Variants in FUT8 observed in about 807,000 individuals in gnomAD.
The protein encoded by FUT8 is fucosyltransferase 8, also known as alpha-(1,6)-fucosyltransferase.
Under a neutral mutation model 71.3 loss-of-function variants are expected in FUT8, and 29 were observed. The ratio of observed to expected loss-of-function variants is 0.41; its 90% CI spans 0.30 to 0.55. The LOEUF (loss-of-function observed/expected upper bound fraction) is 0.55. FUT8 is among the 20% of genes least tolerant of loss of function. The pLI is 0.34. For missense variants in FUT8, 544 were observed against 702.1 expected, an observed-to-expected ratio of 0.77 and a Z score of 2.55; for synonymous variants, 254 against 239.3, an observed-to-expected ratio of 1.06 and a Z score of -0.57.
At chr14:65,554,126 A>G (rs1158218117) in intron 2 of FUT8, among the ~76,000 whole-genome samples, 12 of 151,792 alleles carry the variant, frequency 7.9e-5, no homozygotes, top group Non-Finnish European at 1.5e-4. Context: ...TTTGCGTTTC[A>G]TTTTGAATAA....
intron 2 of FUT8, among the ~76,000 whole-genome samples, chr14:65,560,703 G>T (rs192455614): frequency 1.6e-4 from 25 of 152,280 alleles, no homozygotes; most frequent in African/African-American, 4.3e-4. Context: ...ATAAATTTGA[G>T]GAAGCAGTAG....
At chr14:65,430,194 TTG>T (rs1491014239) in intron 1 of FUT8, 8 of 151,170 alleles carry the variant, frequency 5.3e-5, no homozygotes, top group Non-Finnish European at 1.0e-4. Flanking sequence ...TAATTTTTTT[TTG>T]TTTTTGATAT....
chr14:65,540,637 C>G (rs1373140793), intron 2 of FUT8, among the ~76,000 whole-genome samples: 1 of 152,176 alleles, frequency 6.6e-6, no homozygotes, highest in Non-Finnish European at 1.5e-5. Context: ...ATTGCTTAAG[C>G]TATTGCTATG....
intron 3 of FUT8, among the ~76,000 whole-genome samples, chr14:65,609,339 T>G (rs1888756982): frequency 6.6e-6 from 1 of 151,778 alleles, no homozygotes; most frequent in Non-Finnish European, 1.5e-5. Context: ...GGTTATCTTT[T>G]CATTCTCTTA....
At chr14:65,651,195 G>C (rs1891391406) in intron 6 of FUT8, among the ~76,000 whole-genome samples, 1 of 152,180 alleles carries the variant, frequency 6.6e-6, no homozygotes, top group Admixed American at 6.5e-5. Flanking sequence ...TAGAGAAAGA[G>C]ACTTAAAAAA....
rs1308340790 is a variant in FUT8 at position 65,472,543 on chromosome 14, A to C, written c.-228+16825A>C. Among the ~76,000 whole-genome samples, 1 of 151,550 alleles carries C rather than the reference A, an allele frequency of 6.6e-6. No individual in the cohort carries two copies. The highest frequency in any genetic ancestry group is 2.4e-5 in the African/African-American group (1 of 41,236). ...TTTCTATGTTGATGGCCAAAGGTTT[A>C]TTTTTATATTCTTATACTGTAAAAA... is the stretch of plus-strand genomic sequence containing the variant. On this transcript the variant is annotated intron_variant, in intron 2 of 10. Coordinates refer to ENST00000673929, the MANE Select transcript of FUT8 (RefSeq NM_001371533.1). This position sits in a 1 kb window ranked among gnomAD's most constrained non-coding sequence, Gnocchi z 4.4.
intron 6 of FUT8, among the ~76,000 whole-genome samples, chr14:65,667,070 TG>T (rs1892251718): frequency 6.6e-6 from 1 of 151,940 alleles, no homozygotes; most frequent in Non-Finnish European, 1.5e-5. Flanking sequence ...TCATACTGAG[TG>T]GACAAAAGCT....
At position 65,742,219 on chromosome 14, in the gene FUT8, C is replaced by A. The variant is rs1367460219; in HGVS notation, c.1537C>A (p.His513Asn). Residue 513 changes from histidine (H) to asparagine (N), a missense_variant, in exon 11 of 11, where the codon CAC becomes AAC. Coordinates refer to ENST00000673929, the MANE Select transcript of FUT8 (RefSeq NM_001371533.1). Reference sequence around the variant, plus strand: ...CCACAATCAAATTGCCATTTATGCTCACCAACCCCGAACTGCAGATGAAAT... The same window carrying A: ...CCACAATCAAATTGCCATTTATGCTAACCAACCCCGAACTGCAGATGAAAT... ...NAHNQIAIYA[H>N]QPRTADEIPM... The A allele has an allele frequency of 1.2e-6, 2 of 1,613,052 alleles. No individual in the cohort carries two copies. Among genetic ancestry groups the A allele is most frequent in the African/African-American group, 2.7e-5 (2 of 74,824 alleles).
intron 7 of FUT8, among the ~76,000 whole-genome samples, chr14:65,708,936 G>A (rs1432552128): frequency 6.6e-6 from 1 of 152,090 alleles, no homozygotes; most frequent in Non-Finnish European, 1.5e-5. Flanking sequence ...GTGGTCTGTG[G>A]TACTGCATGG....
chr14:65,725,605 C>G (rs1895641628), intron 9 of FUT8, among the ~76,000 whole-genome samples: 1 of 152,224 alleles, frequency 6.6e-6, no homozygotes, highest in South Asian at 2.1e-4. Context: ...GTTCCCCACT[C>G]TGTACAGTTC....
chr14:65,565,004 T>C lies in FUT8; in HGVS notation c.203+3238T>C, dbSNP rs373226509. Among the ~76,000 whole-genome samples the C allele has an allele frequency of 9.9e-5, 15 of 152,136 alleles. 3 individuals carry two copies. Among genetic ancestry groups the C allele is most frequent in the African/African-American group, 3.6e-4 (15 of 41,542 alleles). On this transcript the variant is annotated intron_variant, in intron 3 of 10. Coordinates refer to ENST00000673929, the MANE Select transcript of FUT8 (RefSeq NM_001371533.1). ...ATAGAGAAAGAAGTTATTTGGCTCA[T>C]GATTCTGGTGGCCAGAAAGTCCAAG...
At chr14:65,683,792 G>T (rs912824216) in intron 7 of FUT8, among the ~76,000 whole-genome samples, 2 of 152,018 alleles carry the variant, frequency 1.3e-5, no homozygotes, top group Non-Finnish European at 2.9e-5. Context: ...AGCATCCATT[G>T]TATGAATAAT....
intron 7 of FUT8, among the ~76,000 whole-genome samples, chr14:65,683,785 A>G (rs1893149757): frequency 6.6e-6 from 1 of 152,280 alleles, no homozygotes; most frequent in South Asian, 2.1e-4. Context: ...GTAGAATAGC[A>G]TCCATTGTAT....
chr14:65,735,203 A>T (rs545312288), intron 10 of FUT8, among the ~76,000 whole-genome samples: 2 of 128,660 alleles, frequency 1.6e-5, no homozygotes, highest in African/African-American at 5.7e-5. Flanking sequence ...ATAGAAAGAA[A>T]ATTTTTTGCT....
intron 6 of FUT8, among the ~76,000 whole-genome samples, chr14:65,655,411 A>G (rs1891626464): frequency 2.7e-5 from 4 of 150,866 alleles, no homozygotes; most frequent in Admixed American, 2.6e-4. Context: ...GGGAGGCGGA[A>G]CTTGCAGTGA....
chr14:65,624,482 T>G (rs571532969), intron 5 of FUT8, among the ~76,000 whole-genome samples: 2 of 152,332 alleles, frequency 1.3e-5, no homozygotes, highest in South Asian at 2.1e-4. Context: ...AATGTCTTGA[T>G]TCCTATGACA....
chr14:65,632,628 A>G (rs1287712692), intron 6 of FUT8, among the ~76,000 whole-genome samples: 7 of 151,984 alleles, frequency 4.6e-5, no homozygotes, highest in African/African-American at 1.5e-4. Flanking sequence ...CCTTTGTCAG[A>G]TGCAGACTTT....
intron 6 of FUT8, among the ~76,000 whole-genome samples, chr14:65,657,733 TAGAAAGAAAGAATA>T (rs1052108979): frequency 7.2e-5 from 11 of 151,864 alleles, no homozygotes; most frequent in Admixed American, 2.6e-4. Flanking sequence ...AAAAAATAGT[TAGAAAGAAAGAATA>T]AGAAAGAAAG....
At chr14:65,514,498 C>G (rs748001451) in intron 2 of FUT8, among the ~76,000 whole-genome samples, 1 of 152,172 alleles carries the variant, frequency 6.6e-6, no homozygotes, top group Non-Finnish European at 1.5e-5. Flanking sequence ...AACCCTTGTT[C>G]CTGCTATGGC....
Sources: allele counts gnomAD v4.1 joint callset (sites outside exome capture counted in the v4.1 genomes callset), GRCh38; gene constraint gnomAD v4.1.1; non-coding constraint Gnocchi (gnomAD v3.1); transcripts MANE v1.5; gene names NCBI Gene and HGNC (gene_info 2026-07-23, HGNC 2026-07-21).